Variants in YME1L1 observed in about 807,000 individuals in gnomAD.
YME1L1 encodes the protein ATP-dependent zinc metalloprotease YME1L1.
In YME1L1, 39 loss-of-function variants were observed where a neutral mutation model predicts 90.4. The observed-to-expected ratio is 0.43, with a 90% CI of 0.33 to 0.56. YME1L1 has a LOEUF of 0.56. Among genes scored for constraint, YME1L1 ranks in the 20% least tolerant of loss-of-function variants. YME1L1 has a pLI of 0.03. For synonymous variants in YME1L1, 284 were observed against 287.3 expected (o/e 0.99, Z 0.12); for missense variants, 617 against 868.4 (o/e 0.71, Z 3.64).
chr10:27,114,535 T>C lies in YME1L1; in HGVS notation c.1993A>G (p.Arg665Gly). 1 of 1,613,630 alleles carries C rather than the reference T, an allele frequency of 6.2e-7. No individual in the cohort carries two copies. Among genetic ancestry groups the C allele is most frequent in the Non-Finnish European group, 8.5e-7 (1 of 1,179,668 alleles). Residue 665 changes from arginine (R) to glycine (G), a missense_variant, in exon 18 of 19, where the codon AGA (arginine) becomes GGA (glycine). Physicochemically the swap from Arg to Gly is moderately radical, Grantham distance 125. This residue lies in a region of YME1L1 where 212 missense variants were observed against 330.0 expected (regional missense o/e 0.64). Coordinates refer to ENST00000376016, the MANE Select transcript of YME1L1 (RefSeq NM_014263.4). ...ETQSAIEQEI[R>G]ILLRDSYERA... ...AATATTATTACCCTTAGAAGGATTCTTATTTCTTGTTCGATGGCAGATTGG... is the reference window on the plus strand; with the variant it reads ...AATATTATTACCCTTAGAAGGATTCCTATTTCTTGTTCGATGGCAGATTGG...
rs369706082 is a variant in YME1L1, at chr10:27,147,527, G to A, written c.168+1379C>T. 2.2e-5 allele frequency: 35 copies of A among 1,607,594 alleles called. No homozygotes were observed. The highest frequency in any genetic ancestry group is 2.6e-5 in the Non-Finnish European group (31 of 1,179,698). On this transcript the variant is annotated intron_variant, in intron 2 of 18. Transcript: ENST00000376016. ...ATTGAGAGGGAGAAGGGTTCTGGAC[G>A]GATGTGCCAGTTATCGGTTGTGTCC...
In YME1L1 at chr10:27,151,213, C is replaced by T. The variant is rs79362406; in HGVS notation, c.34-2173G>A. Reference sequence around the variant, plus strand: ...CTGGGATTACATGCGTGAGTCCCCGCGCCTGGCGACTCTCTCGAATTCTTG... The same window carrying T: ...CTGGGATTACATGCGTGAGTCCCCGTGCCTGGCGACTCTCTCGAATTCTTG... On this transcript the variant is annotated intron_variant, in intron 1 of 18. Coordinates refer to ENST00000376016, the MANE Select transcript of YME1L1 (RefSeq NM_014263.4). Among the ~76,000 whole-genome samples, 391 of 152,262 alleles carry T rather than the reference C, an allele frequency of 2.6e-3. 3 individuals are homozygous for T. Among genetic ancestry groups the T allele is most frequent in the African/African-American group, 8.9e-3 (368 of 41,536 alleles).
rs764683374 is a variant in YME1L1, at chr10:27,154,129, G to C, written c.33+49C>G. The C allele has an allele frequency of 1.9e-6, 3 of 1,560,912 alleles. No individual in the cohort carries two copies. The South Asian group carries it at 3.5e-5, about 18-fold the overall frequency. ...CTTCCACGAGCGCAATTTGCAAACAGCCACGGGCAGGGCGGGAGGAAAAAA... is the reference window on the plus strand; with the variant it reads ...CTTCCACGAGCGCAATTTGCAAACACCCACGGGCAGGGCGGGAGGAAAAAA... On this transcript the variant is annotated intron_variant, in intron 1 of 18. Transcript: ENST00000376016.
Position 27,119,335 on chromosome 10 carries a change from G to C in YME1L1, c.1526C>G (p.Thr509Ser), listed in dbSNP as rs747342005. Residue 509 changes from threonine to serine, a missense_variant, in exon 14 of 19, where the codon ACC becomes AGC. Coordinates refer to ENST00000376016, the MANE Select transcript of YME1L1 (RefSeq NM_014263.4). ...KAAVDGKEMV[T>S]MKELEFSKDK... is the part of the protein sequence containing the mutation. ...TTTGGAAAACTCCAGCTCCTTCATG[G>C]TAACCATTTCTTTTCCATCAACAGC... 5.0e-6 allele frequency: 8 copies of C among 1,612,548 alleles called. No homozygotes were observed. The highest frequency in any genetic ancestry group is 6.8e-6 in the Non-Finnish European group (8 of 1,179,518).
chr10:27,154,086 G>C, intron 1 of YME1L1, 92 bp downstream of exon 1: 1 of 1,473,164 alleles, frequency 6.8e-7, no homozygotes, highest in South Asian at 1.2e-5. Context: ...CATTTCTAGA[G>C]TCCCTTCTGA....
At position 27,148,967 on chromosome 10, in the gene YME1L1, A is replaced by G. The variant is rs745399123; in HGVS notation, c.107T>C (p.Val36Ala). Residue 36 changes from valine (V) to alanine (A), a missense_variant, in exon 2 of 19, where the codon GTG becomes GCG. Val to Ala is a moderately conservative substitution (Grantham distance 64). Around this residue, in one of 4 missense-constraint regions of YME1L1, gnomAD observed 311 missense variants for 335.8 expected, o/e 0.93. Coordinates refer to ENST00000376016, the MANE Select transcript of YME1L1 (RefSeq NM_014263.4). ...TCGATGCTGGTTTTGAGAAACTGAC[A>G]CTCCACTGAGAGAAACAGAAGTGTT... ...PKNTSVSLSG[V>A]SVSQNQHRDV... 6.2e-7 allele frequency: 1 copy of G among 1,614,018 alleles called. No individual in the cohort carries two copies. The highest frequency in any genetic ancestry group is 8.5e-7 in the Non-Finnish European group (1 of 1,179,988).
chr10:27,145,607 C>A lies in YME1L1; in HGVS notation c.169-17G>T. The stretch of plus-strand genomic sequence containing the variant: ...AAGTGAAGGCTGTAAAAGATTGGGT[C>A]AACCAGGTATGCATTAATATTATCA... On this transcript the variant is annotated splice_polypyrimidine_tract_variant and intron_variant, in intron 2 of 18. Coordinates refer to ENST00000376016, the MANE Select transcript of YME1L1 (RefSeq NM_014263.4). 6.2e-7 allele frequency: 1 copy of A among 1,603,178 alleles called. No homozygotes were observed. The highest frequency in any genetic ancestry group is 1.1e-5 in the South Asian group (1 of 89,564).
chr10:27,139,622 G>A (rs1259222262), intron 4 of YME1L1, among the ~76,000 whole-genome samples: 1 of 152,124 alleles, frequency 6.6e-6, no homozygotes, highest in Admixed American at 6.5e-5. Context: ...TGCCTCTGGG[G>A]CAAAGGGACA....
At chr10:27,128,806 G>A (rs1267032830) in intron 8 of YME1L1, among the ~76,000 whole-genome samples, 3 of 152,048 alleles carry the variant, frequency 2.0e-5, no homozygotes, top group Admixed American at 1.3e-4. Context: ...CTACCTGAGA[G>A]GCTGAGGCGG....
chr10:27,134,963 T>C lies in YME1L1; in HGVS notation c.559A>G (p.Arg187Gly), dbSNP rs2057012622. The change falls in exon 6 of 19, where the codon AGA becomes GGA. Residue 187 changes from arginine (R) to glycine (G), a missense_variant. Arg to Gly is a moderately radical substitution (Grantham distance 125). Around this residue, in one of 4 missense-constraint regions of YME1L1, gnomAD observed 311 missense variants for 335.8 expected, o/e 0.93. Coordinates refer to ENST00000376016, the MANE Select transcript of YME1L1 (RefSeq NM_014263.4). ...TCCAAACTCTCAACATCTGATCCTC[T>C]GTCCCGCAAAAGAAACCCCTGAATA... ...SFVKGFLLRD[R>G]GSDVESLDKL... The C allele has an allele frequency of 6.2e-7, 1 of 1,612,666 alleles. No individual in the cohort carries two copies.
At chr10:27,147,787 C>G in intron 2 of YME1L1, 12 of 1,384,928 alleles carry the variant, frequency 8.7e-6, no homozygotes, top group Non-Finnish European at 1.2e-5. Flanking sequence ...TTCACCAAAC[C>G]CTGGCTCCTG....
At chr10:27,135,709 AATG>A (rs1022275525) in intron 5 of YME1L1, among the ~76,000 whole-genome samples, 9 of 152,208 alleles carry the variant, frequency 5.9e-5, no homozygotes, top group African/African-American at 2.2e-4. Context: ...GTAGAGATCA[AATG>A]ATGAAATTCC....
intron 4 of YME1L1, 130 bp from the exon 5 acceptor site, chr10:27,136,515 T>C: frequency 4.3e-6 from 3 of 702,372 alleles, no homozygotes; most frequent in Non-Finnish European, 7.0e-6. Context: ...TTCAATACGT[T>C]TTCCTTTGTT....
intron 17 of YME1L1, among the ~76,000 whole-genome samples, chr10:27,114,872 C>CA (rs2056795762): frequency 6.6e-6 from 1 of 151,912 alleles, no homozygotes; most frequent in African/African-American, 2.4e-5. Context: ...TCTAAAAACA[C>CA]AAAAAATAGC....
At chr10:27,141,168 G>A (rs2057082791) in intron 4 of YME1L1, among the ~76,000 whole-genome samples, 1 of 152,146 alleles carries the variant, frequency 6.6e-6, no homozygotes, top group Admixed American at 6.5e-5. Context: ...GCCAAGGCAG[G>A]CGGATCACCT....
chr10:27,120,823 A>T (rs2056859739), intron 12 of YME1L1, among the ~76,000 whole-genome samples: 1 of 152,210 alleles, frequency 6.6e-6, no homozygotes, highest in Non-Finnish European at 1.5e-5. Context: ...TCCAGGAACA[A>T]ATAATTCCAC....
In YME1L1 at chr10:27,148,948, C is replaced by G. The variant is rs532046808; in HGVS notation, c.126G>C (p.Gln42His). 4 of 1,613,994 alleles carry G rather than the reference C, an allele frequency of 2.5e-6. No individual in the cohort carries two copies. The African/African-American group carries it at 5.3e-5, about 22-fold the overall frequency. Residue 42 changes from glutamine (Q) to histidine (H), a missense_variant, in exon 2 of 19, where the codon CAG (glutamine) becomes CAC (histidine). Gln to His is a conservative substitution (Grantham distance 24). Transcript: ENST00000376016. ...CATGCTCAGGAACTACATCTCGATG[C>G]TGGTTTTGAGAAACTGACACTCCAC... ...SLSGVSVSQN[Q>H]HRDVVPEHEA...
rs1254364588 is a variant in YME1L1, at chr10:27,111,518, GT to G, written c.*458del. ...CAAAAGGCTATATTCCTGGCTCTGT[GT>G]TTCCGAGACTGCTTTTAATCCCAAC... On this transcript the variant is annotated 3_prime_UTR_variant, in exon 19 of 19. Transcript: ENST00000376016. The G allele has an allele frequency of 4.5e-5, 10 of 223,876 alleles. No individual in the cohort carries two copies. The East Asian group carries it at 1.3e-3, about 29-fold the overall frequency. The allele number at this position is 223,876 out of a possible 1,614,324, so 13.9% of individuals were successfully genotyped here.
At chr10:27,128,343 T>C (rs2056941350) in intron 8 of YME1L1, among the ~76,000 whole-genome samples, 1 of 152,210 alleles carries the variant, frequency 6.6e-6, no homozygotes, top group Non-Finnish European at 1.5e-5. Flanking sequence ...AATTGATTCA[T>C]TTTAGCATGG....
Sources: allele counts gnomAD v4.1 joint callset (sites outside exome capture counted in the v4.1 genomes callset), GRCh38; gene constraint gnomAD v4.1.1; regional missense constraint gnomAD v4.1.1; transcripts MANE v1.5; gene names NCBI Gene and HGNC (gene_info 2026-07-23, HGNC 2026-07-21).